CDH20: variants seen among roughly 807,000 people sequenced by gnomAD.
CDH20 encodes cadherin-20.
CDH20 carries 29 observed loss-of-function variants against 74.2 expected under a neutral mutation model. The ratio of observed to expected loss-of-function variants is 0.39; its 90% CI spans 0.29 to 0.53. The LOEUF (loss-of-function observed/expected upper bound fraction) is 0.53. CDH20 is among the 20% of genes least tolerant of loss of function. The pLI is 0.69. For missense variants in CDH20, 988 were observed against 1,048.3 expected, an observed-to-expected ratio of 0.94 and a Z score of 0.79; for synonymous variants, 469 against 405.4, an observed-to-expected ratio of 1.16 and a Z score of -1.88.
At chr18:61,358,341 C>T (rs1020115473) in intron 1 of CDH20, among the ~76,000 whole-genome samples, 3 of 151,912 alleles carry the variant, frequency 2.0e-5, no homozygotes, top group Non-Finnish European at 1.5e-5. Context: ...AGGATGGTCT[C>T]GATCTCCTGA....
intron 1 of CDH20, among the ~76,000 whole-genome samples, chr18:61,454,346 T>C (rs747768391): frequency 3.9e-5 from 6 of 152,212 alleles, no homozygotes; most frequent in Non-Finnish European, 7.3e-5. Context: ...TATGGAGTTA[T>C]GAATTACAAG....
intron 10 of CDH20, among the ~76,000 whole-genome samples, chr18:61,548,326 G>C (rs147447460): frequency 6.6e-6 from 1 of 152,196 alleles, no homozygotes; most frequent in Non-Finnish European, 1.5e-5. Flanking sequence ...TGGAGCCAGA[G>C]AGACCAGAGT....
rs1415668565 is a variant in CDH20 at position 61,538,625 on chromosome 18, G to GT, written c.1409-388dup. Among the ~76,000 whole-genome samples the GT allele has an allele frequency of 2.9e-3, 154 of 53,774 alleles. 39 individuals carry two copies. Among genetic ancestry groups the GT allele is most frequent in the African/African-American group, 4.5e-3 (83 of 18,370 alleles). 35.3% of individuals were successfully genotyped at this position (53,774 alleles called of 152,430 possible). On this transcript the variant is annotated intron_variant, in intron 8 of 11. Transcript: ENST00000262717. ...TTGTTTTTGTTTTTGTTTTTGTTTTGTTTTTTTTTTTGAGACGGAGTCTTA... is the reference window on the plus strand; with the variant it reads ...TTGTTTTTGTTTTTGTTTTTGTTTTGTTTTTTTTTTTTGAGACGGAGTCTTA...
chr18:61,359,567 A>G (rs1244502809), intron 1 of CDH20, among the ~76,000 whole-genome samples: 2 of 152,162 alleles, frequency 1.3e-5, no homozygotes, highest in Non-Finnish European at 2.9e-5. Flanking sequence ...TATGTGGTAA[A>G]GTAGAAATAA....
chr18:61,371,931 T>C (rs1340918614), intron 1 of CDH20, among the ~76,000 whole-genome samples: 1 of 152,120 alleles, frequency 6.6e-6, no homozygotes, highest in Non-Finnish European at 1.5e-5. Flanking sequence ...AACAATATTT[T>C]AAATGCAGTC....
rs754615764 is a variant in CDH20 at position 61,554,399 on chromosome 18, G to A, written c.2110G>A (p.Glu704Lys). ...CAAGACGCGGCAGGACATGCTGCCC[G>A]AGATCGAGAGCCTCTCCCGCTACGT... The part of the protein sequence containing the change: ...APKTRQDMLP[E>K]IESLSRYVPQ... Residue 704 changes from glutamate (E) to lysine (K), a missense_variant, in exon 12 of 12, where the codon GAG becomes AAG. Coordinates refer to ENST00000262717, the MANE Select transcript of CDH20 (RefSeq NM_031891.4). The A allele has an allele frequency of 4.3e-6, 7 of 1,612,960 alleles. No individual in the cohort carries two copies. In the South Asian group the frequency reaches 4.4e-5, roughly 10 times the overall value.
chr18:61,367,329 G>A (rs746410722), intron 1 of CDH20, among the ~76,000 whole-genome samples: 1 of 152,162 alleles, frequency 6.6e-6, no homozygotes, highest in Non-Finnish European at 1.5e-5. Flanking sequence ...TCCTAAGGAA[G>A]TCAGATTTCA....
chr18:61,436,256 A>G (rs535113169), intron 1 of CDH20, among the ~76,000 whole-genome samples: 1 of 152,286 alleles, frequency 6.6e-6, no homozygotes, highest in South Asian at 2.1e-4. Context: ...TTGTATAGAC[A>G]TATGTTTTCA....
chr18:61,359,119 C>G lies in CDH20; in HGVS notation c.-153+25292C>G, dbSNP rs114096669. Among the ~76,000 whole-genome samples the G allele has an allele frequency of 3.5e-3, 525 of 152,172 alleles. 3 individuals are homozygous for G. Among genetic ancestry groups the G allele is most frequent in the African/African-American group, 0.012 (488 of 41,526 alleles). On this transcript the variant is annotated intron_variant, in intron 1 of 11. Coordinates refer to ENST00000262717, the MANE Select transcript of CDH20 (RefSeq NM_031891.4). The stretch of plus-strand genomic sequence containing the variant: ...AGACAAATCTCTAAATCTTTGAATA[C>G]TAATATTTTTAGCTATCTGAGTTTT...
intron 1 of CDH20, among the ~76,000 whole-genome samples, chr18:61,340,889 AAT>A (rs1216088463): frequency 2.9e-4 from 44 of 152,356 alleles, no homozygotes; most frequent in African/African-American, 1.1e-3. Flanking sequence ...AGGGCTACCA[AAT>A]ATATGTTTCT....
chr18:61,554,721 C>A lies in CDH20; in HGVS notation c.*26C>A. On this transcript the variant is annotated 3_prime_UTR_variant, in exon 12 of 12. Transcript: ENST00000262717. ...CGGAAGCCAGGAGGCAGGCGCGCGT[C>A]CAAATCCAGACGTTCTCCGCGGGTG... is the stretch of plus-strand genomic sequence containing the variant. 6.6e-7 allele frequency: 1 copy of A among 1,520,606 alleles called. No homozygotes were observed. Among genetic ancestry groups the A allele is most frequent in the South Asian group, 1.2e-5 (1 of 80,770 alleles). The allele number at this position is 1,520,606 out of a possible 1,614,324, so 94.2% of individuals were successfully genotyped here. A position where few individuals can be genotyped will look rare whatever the true frequency, so the allele number is the denominator to read the frequency against.
At chr18:61,357,967 C>T (rs1910549026) in intron 1 of CDH20, among the ~76,000 whole-genome samples, 1 of 152,134 alleles carries the variant, frequency 6.6e-6, no homozygotes, top group Non-Finnish European at 1.5e-5. Flanking sequence ...CTTCTCTTCC[C>T]CGAACTGCTG....
intron 1 of CDH20, among the ~76,000 whole-genome samples, chr18:61,411,363 A>G (rs1261630741): frequency 6.6e-6 from 1 of 152,150 alleles, no homozygotes; most frequent in Non-Finnish European, 1.5e-5. Flanking sequence ...TTAAAGAACT[A>G]AAAGCAGAAC....
chr18:61,425,414 G>GA (rs1913038452), intron 1 of CDH20, among the ~76,000 whole-genome samples: 1 of 152,338 alleles, frequency 6.6e-6, no homozygotes, highest in East Asian at 1.9e-4. Context: ...AGGAACGGCT[G>GA]AGGGGGCAGA....
At chr18:61,422,092 G>T (rs2215460) in intron 1 of CDH20, among the ~76,000 whole-genome samples, 134,413 of 152,190 alleles carry the variant, frequency 0.88, 59,433 homozygotes, top group South Asian at 0.9. Flanking sequence ...CATGCATTCA[G>T]GGACCTTAAT....
intron 1 of CDH20, among the ~76,000 whole-genome samples, chr18:61,434,355 AG>A (rs1908757868): frequency 6.6e-6 from 1 of 152,180 alleles, no homozygotes; most frequent in Non-Finnish European, 1.5e-5. Flanking sequence ...TTCTGTATTT[AG>A]TGTACAGGTT....
Position 61,554,915 on chromosome 18 carries a change from T to C in CDH20, c.*220T>C. 7.3e-7 allele frequency: 1 copy of C among 1,372,198 alleles called. No homozygotes were observed. The highest frequency in any genetic ancestry group is 2.7e-4 in the Middle Eastern group (1 of 3,698). 85.0% of individuals were successfully genotyped at this position (1,372,198 alleles called of 1,614,324 possible). On this transcript the variant is annotated 3_prime_UTR_variant, in exon 12 of 12. Coordinates refer to ENST00000262717, the MANE Select transcript of CDH20 (RefSeq NM_031891.4). ...AGAGGGCAGAATCTTTAATTACCTT[T>C]TTTTCTTTTCTTTTTGATTTTTCTG...
At chr18:61,538,602 G>GTTTTTTT (rs1227502362) in intron 8 of CDH20, among the ~76,000 whole-genome samples, 2 of 50,448 alleles carry the variant, frequency 4.0e-5, no homozygotes, top group African/African-American at 7.3e-5. Context: ...GTTTGTTTTT[G>GTTTTTTT]TTTTTGTTTT....
chr18:61,382,461 G>C (rs898692011), intron 1 of CDH20, among the ~76,000 whole-genome samples: 3 of 152,192 alleles, frequency 2.0e-5, no homozygotes, highest in African/African-American at 7.2e-5. Context: ...TCCAGTGGTA[G>C]TTTCCCACTC....
Sources: allele counts gnomAD v4.1 joint callset (sites outside exome capture counted in the v4.1 genomes callset), GRCh38; gene constraint gnomAD v4.1.1; transcripts MANE v1.5; gene names NCBI Gene and HGNC (gene_info 2026-07-23, HGNC 2026-07-21).